The following KCTD16 variants were observed in gnomAD, a reference collection of about 807,000 sequenced individuals.
KCTD16 encodes BTB/POZ domain-containing protein KCTD16.
A neutral mutation model predicts 33.2 loss-of-function variants in KCTD16; 13 were observed. That is an observed-to-expected ratio of 0.39 (90% confidence interval 0.25 to 0.62). KCTD16 has a LOEUF of 0.62. KCTD16 is among the 20% of genes least tolerant of loss of function. KCTD16 has a pLI of 0.50. For synonymous variants in KCTD16, 197 were observed against 195.3 expected, an observed-to-expected ratio of 1.01 and a Z score of -0.07; for missense variants, 441 against 525.1, an observed-to-expected ratio of 0.84 and a Z score of 1.57.
At chr5:144,382,663 A>T (rs970951697) in intron 3 of KCTD16, among the ~76,000 whole-genome samples, 8 of 152,342 alleles carry the variant, frequency 5.3e-5, no homozygotes, top group Admixed American at 5.2e-4. Flanking sequence ...ACCATGCCTG[A>T]CATGTAGTAG....
At chr5:144,360,436 C>CTT (rs79948952) in intron 3 of KCTD16, among the ~76,000 whole-genome samples, 15 of 144,354 alleles carry the variant, frequency 1.0e-4, no homozygotes, top group Admixed American at 3.5e-4. Context: ...GAATTCATCC[C>CTT]TTTTTTTTTT....
At chr5:144,323,098 C>T (rs750511349) in intron 3 of KCTD16, among the ~76,000 whole-genome samples, 6 of 152,070 alleles carry the variant, frequency 3.9e-5, no homozygotes, top group Non-Finnish European at 7.4e-5. Context: ...AAAGGAAGTG[C>T]TATTATGATA....
At chr5:144,382,479 C>T (rs80238254) in intron 3 of KCTD16, among the ~76,000 whole-genome samples, 1,896 of 152,240 alleles carry the variant, frequency 0.012, 32 homozygotes, top group African/African-American at 0.043. Context: ...TGCCCCTCGC[C>T]TCTGACACCA....
intron 3 of KCTD16, among the ~76,000 whole-genome samples, chr5:144,210,446 T>C (rs947701858): frequency 2.0e-5 from 3 of 152,150 alleles, no homozygotes; most frequent in African/African-American, 7.2e-5. Context: ...ACGTCTACCC[T>C]AGGGATTGCC....
intron 3 of KCTD16, among the ~76,000 whole-genome samples, chr5:144,408,631 G>A (rs1752865212): frequency 6.6e-6 from 1 of 152,196 alleles, no homozygotes; most frequent in Non-Finnish European, 1.5e-5. Flanking sequence ...CTTGAAGGTA[G>A]AGGTATATCA....
At chr5:144,344,319 A>T (rs1752725511) in intron 3 of KCTD16, among the ~76,000 whole-genome samples, 1 of 150,470 alleles carries the variant, frequency 6.6e-6, no homozygotes, top group Admixed American at 6.6e-5. Flanking sequence ...CATGTCTAAA[A>T]CACCAAAAGC....
chr5:144,376,405 T>C (rs1314268169), intron 3 of KCTD16, among the ~76,000 whole-genome samples: 1 of 152,192 alleles, frequency 6.6e-6, no homozygotes, highest in Non-Finnish European at 1.5e-5. Context: ...TAGAGAGAGA[T>C]AGACTTTGCT....
Position 144,206,864 on chromosome 5 carries a change from C to G in KCTD16, c.150C>G (p.Leu50=). 6.2e-7 allele frequency: 1 copy of G among 1,614,172 alleles called. No individual in the cohort carries two copies. The part of the protein sequence containing the change: ...HSTLISIPHS[L]LWKMFSPKRD... ...CATTGATAAGCATCCCTCATTCCCTCCTGTGGAAAATGTTTTCCCCAAAGA... is the reference window on the plus strand; with the variant it reads ...CATTGATAAGCATCCCTCATTCCCTGCTGTGGAAAATGTTTTCCCCAAAGA... The change falls in exon 3 of 4, where the codon CTC becomes CTG. Residue 50 remains leucine, a synonymous_variant. Transcript: ENST00000512467.
Position 144,475,990 on chromosome 5 carries a change from T to C in KCTD16, c.*1876T>C, listed in dbSNP as rs529247970. 6.6e-6 allele frequency: 1 copy of C among 152,230 alleles called. No individual in the cohort carries two copies. The highest frequency in any genetic ancestry group is 1.5e-5 in the Non-Finnish European group (1 of 68,034). The allele number at this position is 152,230 out of a possible 1,614,324, so 9.4% of individuals were successfully genotyped here. A position where few individuals can be genotyped will look rare whatever the true frequency, so the allele number is the denominator to read the frequency against. On this transcript the variant is annotated 3_prime_UTR_variant, in exon 4 of 4. Transcript: ENST00000512467. ...AGTTGAGTTGTCAAGAGAATTATAA[T>C]TTATGAATTTAAGTGGTATTCTTTT... is the stretch of plus-strand genomic sequence containing the variant.
At chr5:144,284,893 C>T (rs1755702643) in intron 3 of KCTD16, among the ~76,000 whole-genome samples, 1 of 152,178 alleles carries the variant, frequency 6.6e-6, no homozygotes, top group African/African-American at 2.4e-5. Flanking sequence ...CTGGTTTCCT[C>T]AGGATTCAGA....
chr5:144,381,000 C>G (rs1474600071), intron 3 of KCTD16, among the ~76,000 whole-genome samples: 1 of 152,056 alleles, frequency 6.6e-6, no homozygotes, highest in Non-Finnish European at 1.5e-5. Context: ...AAGAAACTAT[C>G]AACAGAGTAA....
chr5:144,261,036 A>G (rs1754992663), intron 3 of KCTD16, among the ~76,000 whole-genome samples: 2 of 151,962 alleles, frequency 1.3e-5, no homozygotes, highest in Admixed American at 1.3e-4. Flanking sequence ...GAATTGATGA[A>G]ACGACCCCAA....
At chr5:144,176,595 G>A (rs1388386473) in intron 2 of KCTD16, among the ~76,000 whole-genome samples, 1 of 151,072 alleles carries the variant, frequency 6.6e-6, no homozygotes, top group East Asian at 1.9e-4. Context: ...GTAGAGACGG[G>A]GTTTCACCTT....
intron 3 of KCTD16, among the ~76,000 whole-genome samples, chr5:144,311,410 A>C (rs1232907208): frequency 6.6e-6 from 1 of 152,200 alleles, no homozygotes; most frequent in Non-Finnish European, 1.5e-5. Context: ...ATTATTCTTT[A>C]AAATTTGTCC....
chr5:144,393,572 AGT>A (rs747901288), intron 3 of KCTD16, among the ~76,000 whole-genome samples: 3 of 151,544 alleles, frequency 2.0e-5, no homozygotes, highest in African/African-American at 7.3e-5. Flanking sequence ...AGAGAGTGTG[AGT>A]GTGTGTGTGT....
intron 3 of KCTD16, among the ~76,000 whole-genome samples, chr5:144,247,786 C>A (rs541046153): frequency 6.6e-6 from 1 of 152,164 alleles, no homozygotes; most frequent in Admixed American, 6.5e-5. Flanking sequence ...TAGACTATTT[C>A]TTAATTTTCC....
chr5:144,196,704 C>T (rs1338940132), intron 2 of KCTD16, among the ~76,000 whole-genome samples: 1 of 152,174 alleles, frequency 6.6e-6, no homozygotes, highest in Non-Finnish European at 1.5e-5. Context: ...TCCATTTGTT[C>T]ATAGGCATTC....
At chr5:144,400,697 G>A (rs1056260421) in intron 3 of KCTD16, among the ~76,000 whole-genome samples, 1 of 152,082 alleles carries the variant, frequency 6.6e-6, no homozygotes, top group Non-Finnish European at 1.5e-5. Flanking sequence ...AGTCTGATAG[G>A]AGGCAAGCAA....
At chr5:144,246,840 A>G (rs1203057844) in intron 3 of KCTD16, among the ~76,000 whole-genome samples, 4 of 151,762 alleles carry the variant, frequency 2.6e-5, no homozygotes, top group Non-Finnish European at 5.9e-5. Context: ...CTCCCACATC[A>G]TGTTCTTTCT....
Sources: allele counts gnomAD v4.1 joint callset (sites outside exome capture counted in the v4.1 genomes callset), GRCh38; gene constraint gnomAD v4.1.1; transcripts MANE v1.5; gene names NCBI Gene and HGNC (gene_info 2026-07-23, HGNC 2026-07-21).